PKIB: variants seen among roughly 807,000 people sequenced by gnomAD.
The protein encoded by PKIB is PKI-beta.
PKIB carries 2 observed loss-of-function variants against 4.5 expected under a neutral mutation model. The observed-to-expected ratio is 0.44, with a 90% CI of 0.18 to 1.39. PKIB has a LOEUF of 1.39. Among genes scored for constraint, PKIB ranks in the 40% most tolerant of loss-of-function variants. The probability of loss-of-function intolerance (pLI) is 0.27; values close to 1 mark genes in which losing one functional copy is unlikely to be tolerated. For synonymous variants in PKIB, 38 were observed against 36.0 expected (o/e 1.06, Z -0.20); for missense variants, 94 against 92.6 (o/e 1.02, Z -0.06).
At chr6:122,509,322 G>A (rs1776516642) in intron 2 of PKIB, among the ~76,000 whole-genome samples, 5 of 152,072 alleles carry the variant, frequency 3.3e-5, no homozygotes, top group Admixed American at 3.3e-4. Flanking sequence ...TCACGTAACT[G>A]AATTAATAAA....
chr6:122,561,337 AT>A (rs767485852), intron 2 of PKIB, among the ~76,000 whole-genome samples: 27 of 152,010 alleles, frequency 1.8e-4, no homozygotes, highest in Non-Finnish European at 2.9e-4. Flanking sequence ...ATTTCCATGT[AT>A]TTGCATGGTT....
chr6:122,621,206 A>G (rs1775213626), intron 1 of PKIB, among the ~76,000 whole-genome samples: 1 of 152,204 alleles, frequency 6.6e-6, no homozygotes, highest in Non-Finnish European at 1.5e-5. Context: ...CTGATATTAT[A>G]GGTTAATGGC....
At chr6:122,634,660 T>C (rs1013806196) in intron 2 of PKIB, among the ~76,000 whole-genome samples, 1 of 152,322 alleles carries the variant, frequency 6.6e-6, no homozygotes, top group Non-Finnish European at 1.5e-5. Context: ...TGTACAACTT[T>C]CCCATTAACC....
intron 2 of PKIB, among the ~76,000 whole-genome samples, chr6:122,523,022 T>G (rs988027814): frequency 1.3e-5 from 2 of 152,214 alleles, no homozygotes; most frequent in Non-Finnish European, 2.9e-5. Context: ...CAATACTATG[T>G]TGTATAAAAC....
chr6:122,622,148 A>T (rs1193422139), intron 1 of PKIB, among the ~76,000 whole-genome samples: 1 of 152,170 alleles, frequency 6.6e-6, no homozygotes, highest in Non-Finnish European at 1.5e-5. Context: ...GTGTTAAAAT[A>T]TTTTAGGAAT....
intron 2 of PKIB, among the ~76,000 whole-genome samples, chr6:122,514,450 AG>A (rs1229813657): frequency 6.6e-6 from 1 of 152,250 alleles, no homozygotes; most frequent in Admixed American, 6.5e-5. Flanking sequence ...GAGAAACGTG[AG>A]TTCACAAAAA....
intron 2 of PKIB, among the ~76,000 whole-genome samples, chr6:122,646,448 T>C (rs1776320922): frequency 6.6e-6 from 1 of 152,194 alleles, no homozygotes; most frequent in Non-Finnish European, 1.5e-5. Flanking sequence ...TGTGTACCTA[T>C]ATATTTGAAG....
chr6:122,673,149 A>G (rs1274198286), intron 2 of PKIB, among the ~76,000 whole-genome samples: 1 of 138,674 alleles, frequency 7.2e-6, no homozygotes, highest in Admixed American at 7.6e-5. Flanking sequence ...GTGTTGCAAT[A>G]GACAAGGATA....
intron 3 of PKIB, among the ~76,000 whole-genome samples, chr6:122,599,696 C>T (rs1297194240): frequency 4.6e-5 from 7 of 152,156 alleles, no homozygotes; most frequent in Non-Finnish European, 7.3e-5. Flanking sequence ...TATATGGTCA[C>T]CTCACTCTGC....
rs1274300615 is a variant in PKIB, at chr6:122,713,939, A to C, written c.-8-3848A>C. On this transcript the variant is annotated intron_variant, in intron 3 of 4. Coordinates refer to ENST00000368452, the MANE Select transcript of PKIB (RefSeq NM_181795.3). ...AATTTTTAAACTTGCTTTATTTCAC[A>C]GTGTGTCAGTGGATCTAATACATTC... 3.3e-5 allele frequency among the ~76,000 whole-genome samples: 5 copies of C among 152,126 alleles called. No homozygotes were observed. The South Asian group carries it at 6.2e-4, about 19-fold the overall frequency.
intron 2 of PKIB, among the ~76,000 whole-genome samples, chr6:122,673,949 C>T (rs1777566252): frequency 6.6e-6 from 1 of 152,124 alleles, no homozygotes; most frequent in African/African-American, 2.4e-5. Flanking sequence ...GAAAGGGTTG[C>T]CCAAGTTGAC....
rs562682441 is a variant in PKIB at position 122,544,786 on chromosome 6, G to A, written c.-247-41135G>A. ...ATCCAGAATCTGTAAAGAACTTAAA[G>A]AAATCAATAACCAAAAAACAACCCC... On this transcript the variant is annotated intron_variant, in intron 2 of 6. Coordinates refer to the PKIB transcript ENST00000392491. Among the ~76,000 whole-genome samples, 92 of 152,030 alleles carry A rather than the reference G, an allele frequency of 6.1e-4. 3 individuals are homozygous for A. Among genetic ancestry groups the A allele is most frequent in the African/African-American group, 2.1e-3 (87 of 41,432 alleles).
At chr6:122,695,765 G>A (rs1402667442) in intron 3 of PKIB, among the ~76,000 whole-genome samples, 1 of 151,978 alleles carries the variant, frequency 6.6e-6, no homozygotes, top group Non-Finnish European at 1.5e-5. Flanking sequence ...TATGTGACAG[G>A]GCTTAAATCC....
At chr6:122,656,437 G>A (rs951165694) in intron 2 of PKIB, among the ~76,000 whole-genome samples, 3 of 152,090 alleles carry the variant, frequency 2.0e-5, no homozygotes, top group African/African-American at 7.2e-5. Context: ...TATAGTATTT[G>A]AATTTGAGAG....
intron 2 of PKIB, chr6:122,643,288 A>G (rs1776189335): frequency 6.6e-6 from 1 of 152,194 alleles, no homozygotes; most frequent in African/African-American, 2.4e-5. Flanking sequence ...TTAACCAGCT[A>G]TGTAACCTGG....
At chr6:122,674,167 G>T (rs982228397) in intron 2 of PKIB, among the ~76,000 whole-genome samples, 1 of 152,148 alleles carries the variant, frequency 6.6e-6, no homozygotes. Context: ...CATGTACCAC[G>T]TGAAGGGATT....
At position 122,554,457 on chromosome 6, in the gene PKIB, A is replaced by T. The variant is rs6935835; in HGVS notation, c.-247-31464A>T. ...ATGCAATGCCTCTCTAAATGTTCTG[A>T]TACGTTTATAAGGCACATGATACTC... On this transcript the variant is annotated intron_variant, in intron 2 of 6. Transcript: ENST00000392491. Among the ~76,000 whole-genome samples the T allele has an allele frequency of 9.3e-3, 1,415 of 152,342 alleles. 29 individuals are homozygous for T. The highest frequency in any genetic ancestry group is 0.031 in the African/African-American group (1,288 of 41,584).
chr6:122,613,636 CAA>C (rs71716385), intron 1 of PKIB, among the ~76,000 whole-genome samples: 20,903 of 151,984 alleles, frequency 0.14, 1,590 homozygotes, highest in Non-Finnish European at 0.15. Context: ...CCCATAAAAT[CAA>C]AGACAGCTAC....
At chr6:122,622,198 A>G (rs774579264) in intron 1 of PKIB, among the ~76,000 whole-genome samples, 15 of 152,230 alleles carry the variant, frequency 9.9e-5, no homozygotes, top group Admixed American at 7.9e-4. Context: ...CTCTTAAATT[A>G]TGTTTTTCCC....
Sources: gnomAD v4.1 joint callset for allele counts (sites outside exome capture counted in the v4.1 genomes callset) on GRCh38, gnomAD v4.1.1 for gene constraint, MANE v1.5 for transcripts, NCBI Gene and HGNC (gene_info 2026-07-23, HGNC 2026-07-21) for gene names.